Variants in RCC1L observed in about 807,000 individuals in gnomAD.
The protein encoded by RCC1L is RCC1 like, also known as RCC1-like G exchanging factor-like protein.
Under a neutral mutation model 58.6 loss-of-function variants are expected in RCC1L, and 46 were observed. The observed-to-expected ratio is 0.79, with a 90% CI of 0.62 to 1.00. The LOEUF is 1.00. Among genes scored for constraint, RCC1L ranks in the 50% least tolerant of loss-of-function variants. The pLI, the probability that RCC1L is intolerant of heterozygous loss-of-function variation, is 0.00. For missense variants in RCC1L, 636 were observed against 623.6 expected (o/e 1.02, Z -0.21); for synonymous variants, 281 against 262.9 (o/e 1.07, Z -0.67).
At chr7:75,055,698 T>C (rs587770608) in intron 9 of RCC1L, 9 of 644,818 alleles carry the variant, frequency 1.4e-5, no homozygotes, top group Non-Finnish European at 2.2e-5. Context: ...CGAACCAAAA[T>C]TAAAACTCCA....
chr7:75,065,673 A>G (rs888442034), intron 3 of RCC1L, among the ~76,000 whole-genome samples: 1 of 152,218 alleles, frequency 6.6e-6, no homozygotes, highest in Non-Finnish European at 1.5e-5. Flanking sequence ...GAAAGCCCCC[A>G]ACTACTTAGA....
At chr7:75,058,968 G>T (rs1554444271) in intron 6 of RCC1L, among the ~76,000 whole-genome samples, 199 bp from the exon 7 acceptor site, 2 of 150,914 alleles carry the variant, frequency 1.3e-5, no homozygotes, top group South Asian at 4.2e-4. Context: ...CTTGAGGTCA[G>T]GAGTTCGAGA....
chr7:75,056,538 C>A, intron 8 of RCC1L: 1 of 1,523,974 alleles, frequency 6.6e-7, no homozygotes. Flanking sequence ...GTTTAATATT[C>A]ATCAGTGGTG....
chr7:75,068,576 C>G (rs1235071122), intron 2 of RCC1L, among the ~76,000 whole-genome samples: 2 of 151,612 alleles, frequency 1.3e-5, no homozygotes, highest in Admixed American at 6.6e-5. Flanking sequence ...GTACCAGCTA[C>G]TCAGGAGGCC....
chr7:75,057,701 GAGTCCT>G, intron 7 of RCC1L, 85 bp from the exon 8 acceptor site: 1 of 1,206,664 alleles, frequency 8.3e-7, no homozygotes, highest in Non-Finnish European at 1.2e-6. Flanking sequence ...CAGAGTAGCT[GAGTCCT>G]AGTTCATTCA....
Position 75,042,442 on chromosome 7 carries a change from T to C in RCC1L, c.*590A>G, listed in dbSNP as rs1315949381. 2.0e-6 allele frequency: 2 copies of C among 986,646 alleles called. No homozygotes were observed. Among genetic ancestry groups the C allele is most frequent in the African/African-American group, 1.7e-5 (1 of 57,256 alleles). The allele number at this position is 986,646 out of a possible 1,614,324, so 61.1% of individuals were successfully genotyped here. On this transcript the variant is annotated 3_prime_UTR_variant, in exon 11 of 11. Transcript: ENST00000610322. ...AGTGAGCGTGGTGGGAGGCTGGGGCTGGTGCCTGCGGACAGCTCCAGATGG... is the reference window on the plus strand; with the variant it reads ...AGTGAGCGTGGTGGGAGGCTGGGGCCGGTGCCTGCGGACAGCTCCAGATGG...
chr7:75,041,172 C>T (rs1805551838), downstream of RCC1L, among the ~76,000 whole-genome samples: 1 of 151,976 alleles, frequency 6.6e-6, no homozygotes, highest in Non-Finnish European at 1.5e-5. Context: ...CGAGATCGCG[C>T]CACTGCACTC....
chr7:75,073,565 G>A lies in RCC1L; in HGVS notation c.173C>T (p.Ala58Val). 6.6e-7 allele frequency: 1 copy of A among 1,508,302 alleles called. No homozygotes were observed. The highest frequency in any genetic ancestry group is 8.8e-7 in the Non-Finnish European group (1 of 1,137,292). 93.4% of individuals were successfully genotyped at this position (1,508,302 alleles called of 1,614,324 possible). The stretch of plus-strand genomic sequence containing the variant: ...GAAGCCCCACACGAAGACGCGATCG[G>A]CGCGGGCAGCGCGCTCGCCCACGTA... ...VQYVGERAAR[A>V]DRVFVWGFSF... Residue 58 changes from alanine (A) to valine (V), a missense_variant, in exon 1 of 11, where the codon GCC becomes GTC. Ala to Val is a moderately conservative substitution (Grantham distance 64). Transcript: ENST00000610322.
At chr7:75,036,758 G>T (rs1290433869) in intron 10 of RCC1L, among the ~76,000 whole-genome samples, 2 of 152,006 alleles carry the variant, frequency 1.3e-5, no homozygotes, top group Non-Finnish European at 2.9e-5. Context: ...AAATTAGCTG[G>T]AGTTGGTGGT....
intron 10 of RCC1L, among the ~76,000 whole-genome samples, chr7:75,030,067 G>A (rs1235393949): frequency 6.6e-6 from 1 of 152,218 alleles, no homozygotes; most frequent in African/African-American, 2.4e-5. Context: ...AGGAGCCTGA[G>A]GCCTGAGCCA....
chr7:75,072,161 C>CATATACATATATATATATATATATAT (rs1455614533), intron 1 of RCC1L, among the ~76,000 whole-genome samples: 3 of 46,362 alleles, frequency 6.5e-5, no homozygotes, highest in African/African-American at 1.2e-4. Flanking sequence ...TATACATATA[C>CATATACATATATATATATATATATAT]ATATATATAT....
intron 1 of RCC1L, among the ~76,000 whole-genome samples, chr7:75,073,074 T>A (rs1554446386): frequency 6.6e-6 from 1 of 152,156 alleles, no homozygotes; most frequent in African/African-American, 2.4e-5. Context: ...CTGGCCTGAG[T>A]GAGAATTCCA....
At position 75,058,708 on chromosome 7, in the gene RCC1L, C is replaced by T; in HGVS notation, c.849G>A (p.Val283=). 6.2e-7 allele frequency: 1 copy of T among 1,613,990 alleles called. No individual in the cohort carries two copies. Among genetic ancestry groups the T allele is most frequent in the Non-Finnish European group, 8.5e-7 (1 of 1,179,870 alleles). ...PTKLGGDLAG[V]NVIQVATYGD... ...CGTAGGTGGCAACTTGGATAACGTTCACTCCCGCCAGGTCTCCACCCAGCT... is the reference window on the plus strand; with the variant it reads ...CGTAGGTGGCAACTTGGATAACGTTTACTCCCGCCAGGTCTCCACCCAGCT... The change falls in exon 7 of 11, where the codon GTG becomes GTA. Residue 283 remains valine, a synonymous_variant. Coordinates refer to ENST00000610322, the MANE Select transcript of RCC1L (RefSeq NM_030798.5).
intron 1 of RCC1L, among the ~76,000 whole-genome samples, chr7:75,072,376 GTTA>G (rs1163937264): frequency 3.3e-5 from 5 of 151,030 alleles, no homozygotes; most frequent in Non-Finnish European, 7.4e-5. Context: ...TATTGCTTTT[GTTA>G]TTATATTTTC....
chr7:75,067,924 C>G (rs371646337), intron 2 of RCC1L, among the ~76,000 whole-genome samples: 1 of 152,086 alleles, frequency 6.6e-6, no homozygotes, highest in Non-Finnish European at 1.5e-5. Context: ...ATGAAGAAAA[C>G]GAGACTGGCA....
chr7:75,030,561 G>A (rs1805274577), intron 10 of RCC1L, among the ~76,000 whole-genome samples: 1 of 152,176 alleles, frequency 6.6e-6, no homozygotes, highest in African/African-American at 2.4e-5. Context: ...CTTAGCTAAG[G>A]ATTGGAGGAT....
chr7:75,029,592 C>A (rs1805242774), intron 10 of RCC1L, among the ~76,000 whole-genome samples: 1 of 152,072 alleles, frequency 6.6e-6, no homozygotes, highest in African/African-American at 2.4e-5. Flanking sequence ...GATCCGCCCA[C>A]CTTGGCCTCC....
chr7:75,071,367 G>A (rs1157163392), intron 1 of RCC1L, among the ~76,000 whole-genome samples: 5 of 152,068 alleles, frequency 3.3e-5, no homozygotes, highest in Non-Finnish European at 7.4e-5. Context: ...AGCAGCAGCC[G>A]AGTACGGTGG....
intron 3 of RCC1L, among the ~76,000 whole-genome samples, chr7:75,066,094 T>C (rs1353223479): frequency 6.6e-6 from 1 of 151,562 alleles, no homozygotes; most frequent in African/African-American, 2.4e-5. Flanking sequence ...TCAGGCTGCC[T>C]TGTGTGCAGT....
Sources: allele counts gnomAD v4.1 joint callset (sites outside exome capture counted in the v4.1 genomes callset), GRCh38; gene constraint gnomAD v4.1.1; transcripts MANE v1.5; gene names NCBI Gene and HGNC (gene_info 2026-07-23, HGNC 2026-07-21).